CFAP54: variants seen among roughly 807,000 people sequenced by gnomAD.
CFAP54 encodes the protein cilia and flagella associated protein 54.
A neutral mutation model predicts 370.4 loss-of-function variants in CFAP54; 290 were observed. The ratio of observed to expected loss-of-function variants is 0.78; its 90% CI spans 0.71 to 0.86. The LOEUF is 0.86. Among genes scored for constraint, CFAP54 ranks in the 40% least tolerant of loss-of-function variants. The pLI, the probability that CFAP54 is intolerant of heterozygous loss-of-function variation, is 0.00. For missense variants in CFAP54, 3,399 were observed against 3,528.7 expected (o/e 0.96, Z 0.93); for synonymous variants, 1,206 against 1,236.5 (o/e 0.98, Z 0.52).
At chr12:96,802,242 C>T (rs1447105914) in intron 63 of CFAP54, among the ~76,000 whole-genome samples, 1 of 152,140 alleles carries the variant, frequency 6.6e-6, no homozygotes, top group Non-Finnish European at 1.5e-5. Context: ...AGACTGCATA[C>T]CTCACAGATT....
In CFAP54 at chr12:96,540,960, C is replaced by A. The variant is rs2136388005; in HGVS notation, c.2050C>A (p.Pro684Thr). 2 of 1,503,672 alleles carry A rather than the reference C, an allele frequency of 1.3e-6. No homozygotes were observed. The highest frequency in any genetic ancestry group is 1.8e-6 in the Non-Finnish European group (2 of 1,134,982). 93.1% of individuals were successfully genotyped at this position (1,503,672 alleles called of 1,614,324 possible). ...TGAAATATTGGAATCTTTAGGAAGC[C>A]CAGGAAGAAAATTTAAACAATCTCT... ...LSEILESLGSPGRKFKQSLDV... is the reference protein window; with the variant it reads ...LSEILESLGSTGRKFKQSLDV... The change falls in exon 14 of 68, where the codon CCA becomes ACA. Residue 684 changes from proline (P) to threonine (T), a missense_variant. Coordinates refer to ENST00000524981, the MANE Select transcript of CFAP54 (RefSeq NM_001306084.2).
intron 49 of CFAP54, 44 bp from the exon 50 acceptor site, chr12:96,720,361 G>A (rs762490612): frequency 1.5e-6 from 2 of 1,323,068 alleles, no homozygotes; most frequent in East Asian, 2.8e-5. Flanking sequence ...GACAGTATTT[G>A]TATTATTTCT....
At chr12:96,603,390 TTTTTCCTTCA>T (rs1465090153) in intron 26 of CFAP54, among the ~76,000 whole-genome samples, 1 of 152,208 alleles carries the variant, frequency 6.6e-6, no homozygotes, top group Non-Finnish European at 1.5e-5. Context: ...CCCTTAACAT[TTTTTCCTTCA>T]TTTCAACTTT....
intron 64 of CFAP54, among the ~76,000 whole-genome samples, chr12:96,813,890 C>T (rs1000905410): frequency 2.0e-5 from 3 of 152,110 alleles, no homozygotes; most frequent in Non-Finnish European, 2.9e-5. Context: ...TGAAGAAGTA[C>T]GTGGGAGGAC....
At chr12:96,765,969 C>T (rs1565970562) in intron 60 of CFAP54, among the ~76,000 whole-genome samples, 1 of 152,128 alleles carries the variant, frequency 6.6e-6, no homozygotes, top group Non-Finnish European at 1.5e-5. Flanking sequence ...TGGATAGGTG[C>T]TAAGAAGCAA....
At chr12:96,648,052 C>G (rs1956817587) in intron 34 of CFAP54, 35 bp downstream of exon 34, 1 of 1,447,374 alleles carries the variant, frequency 6.9e-7, no homozygotes, top group Non-Finnish European at 9.1e-7. Context: ...ATTAAATTAC[C>G]TCTAGATTTT....
intron 32 of CFAP54, among the ~76,000 whole-genome samples, chr12:96,641,847 A>G (rs763132506): frequency 6.7e-6 from 1 of 148,408 alleles, no homozygotes; most frequent in Non-Finnish European, 1.5e-5. Context: ...CAAACATCGC[A>G]TGTTCTCACG....
intron 50 of CFAP54, among the ~76,000 whole-genome samples, chr12:96,724,453 T>A (rs141720514): frequency 0.017 from 2,645 of 152,360 alleles, 69 homozygotes; most frequent in African/African-American, 0.058. Context: ...TTCAGGTGTC[T>A]TTTGGCTGCA....
chr12:96,521,976 A>C lies in CFAP54; in HGVS notation c.1056+6A>C. On this transcript the variant is annotated splice_donor_region_variant and intron_variant, in intron 7 of 67. Transcript: ENST00000524981. ...TTCGAGAGGCCACAATGAAGGTATA[A>C]AAATTTCATGAAATAAAAGAAATTT... The C allele has an allele frequency of 7.2e-6, 11 of 1,531,278 alleles. No individual in the cohort carries two copies. The highest frequency in any genetic ancestry group is 9.6e-6 in the Non-Finnish European group (11 of 1,143,230). 94.9% of individuals were successfully genotyped at this position (1,531,278 alleles called of 1,614,324 possible).
chr12:96,689,332 T>G (rs1205336292), intron 43 of CFAP54, among the ~76,000 whole-genome samples: 1 of 152,068 alleles, frequency 6.6e-6, no homozygotes, highest in East Asian at 1.9e-4. Context: ...AGCTAATTTC[T>G]TGTATTTTTA....
chr12:96,761,495 T>A (rs1363936290), intron 58 of CFAP54, among the ~76,000 whole-genome samples: 4 of 150,316 alleles, frequency 2.7e-5, no homozygotes, highest in African/African-American at 9.8e-5. Context: ...AAGTCCAAAT[T>A]GTCATTTTTT....
intron 50 of CFAP54, among the ~76,000 whole-genome samples, chr12:96,726,240 C>T (rs1370906862): frequency 6.6e-6 from 1 of 151,654 alleles, no homozygotes; most frequent in African/African-American, 2.4e-5. Context: ...GGAATAGTTT[C>T]AGAAGGAATG....
intron 50 of CFAP54, among the ~76,000 whole-genome samples, chr12:96,731,399 G>A (rs995163225): frequency 1.3e-5 from 2 of 152,124 alleles, no homozygotes; most frequent in Non-Finnish European, 2.9e-5. Flanking sequence ...ATTGAGAGTT[G>A]GACAGGCTGC....
rs535043484 is a variant in CFAP54 at position 96,564,653 on chromosome 12, T to G, written c.2507T>G (p.Ile836Arg). The G allele has an allele frequency of 7.8e-6, 5 of 641,580 alleles. No individual in the cohort carries two copies. In the African/African-American group the frequency reaches 9.2e-5, roughly 12 times the overall value. The allele number at this position is 641,580 out of a possible 1,614,324, so 39.7% of individuals were successfully genotyped here. A position where few individuals can be genotyped will look rare whatever the true frequency, so the allele number is the denominator to read the frequency against. ...ATGTTTGTTTTTATAGAATTAAATATAATGAATAAAATAAAGAAGAATACA... is the reference window on the plus strand; with the variant it reads ...ATGTTTGTTTTTATAGAATTAAATAGAATGAATAAAATAAAGAAGAATACA... Reference protein sequence around the residue: ...GSTDCFTELNIMNKIKKNTLS... With the variant: ...GSTDCFTELNRMNKIKKNTLS... The change falls in exon 19 of 68, where the codon ATA (isoleucine) becomes AGA (arginine). Residue 836 changes from isoleucine (I) to arginine (R), a missense_variant. By Grantham distance (97) the Ile-to-Arg change is moderately conservative. Around this residue, in one of 3 missense-constraint regions of CFAP54, gnomAD observed 2,796 missense variants for 2,869.7 expected, o/e 0.97. Coordinates refer to ENST00000524981, the MANE Select transcript of CFAP54 (RefSeq NM_001306084.2).
At chr12:96,614,427 G>A (rs565771134) in intron 26 of CFAP54, among the ~76,000 whole-genome samples, 266 of 152,286 alleles carry the variant, frequency 1.7e-3, no homozygotes, top group Non-Finnish European at 2.8e-3. Flanking sequence ...GGCAAAAACT[G>A]GAAGCATTCC....
At chr12:96,874,197 G>T (rs1438494128) in intron 67 of CFAP54, among the ~76,000 whole-genome samples, 1 of 152,024 alleles carries the variant, frequency 6.6e-6, no homozygotes, top group Non-Finnish European at 1.5e-5. Flanking sequence ...CTTAAAATGG[G>T]TCCAGCTCCA....
In CFAP54 at chr12:96,521,503, C is replaced by CGTGT. The variant is rs10554608; in HGVS notation, c.943-312_943-309dup. ...AGGATTTGAGAAGAGCAACTGAGGACGTGTGTGTGTGTGTGTGTGTGTGTG... is the reference window on the plus strand; with the variant it reads ...AGGATTTGAGAAGAGCAACTGAGGACGTGTGTGTGTGTGTGTGTGTGTGTGTGTG... On this transcript the variant is annotated intron_variant, in intron 6 of 67. Coordinates refer to ENST00000524981, the MANE Select transcript of CFAP54 (RefSeq NM_001306084.2). Among the ~76,000 whole-genome samples, 858 of 129,648 alleles carry CGTGT rather than the reference C, an allele frequency of 6.6e-3. 6 individuals are homozygous for CGTGT. Among genetic ancestry groups the CGTGT allele is most frequent in the African/African-American group, 9.0e-3 (297 of 33,128 alleles). 85.1% of individuals were successfully genotyped at this position (129,648 alleles called of 152,430 possible).
intron 42 of CFAP54, among the ~76,000 whole-genome samples, chr12:96,687,424 T>C (rs1287932377): frequency 6.6e-6 from 1 of 152,190 alleles, no homozygotes; most frequent in Non-Finnish European, 1.5e-5. Context: ...GTATTTCAAA[T>C]TTCTGATTAA....
At chr12:96,847,948 ATTC>A (rs1959405174) in intron 66 of CFAP54, among the ~76,000 whole-genome samples, 1 of 152,234 alleles carries the variant, frequency 6.6e-6, no homozygotes, top group African/African-American at 2.4e-5. Flanking sequence ...AGAATAATCT[ATTC>A]TTCTATTCTT....
Sources: gnomAD v4.1 joint callset for allele counts (sites outside exome capture counted in the v4.1 genomes callset) on GRCh38, gnomAD v4.1.1 for gene constraint, gnomAD v4.1.1 regional missense constraint, MANE v1.5 for transcripts, NCBI Gene and HGNC (gene_info 2026-07-23, HGNC 2026-07-21) for gene names.